The following CNBD1 variants were observed in gnomAD, a reference collection of about 807,000 sequenced individuals.
The protein encoded by CNBD1 is cyclic nucleotide-binding domain-containing protein 1.
In CNBD1, 71 loss-of-function variants were observed where a neutral mutation model predicts 54.4. The observed-to-expected ratio is 1.30, with a 90% CI of 1.08 to 1.59. The LOEUF is 1.59. Ranked by LOEUF, CNBD1 falls within the 40% of genes most tolerant of loss-of-function variation. The pLI is 0.00. For missense variants in CNBD1, 659 were observed against 518.0 expected (o/e 1.27, Z -2.64); for synonymous variants, 182 against 170.7 (o/e 1.07, Z -0.51).
intron 2 of CNBD1, among the ~76,000 whole-genome samples, chr8:86,899,115 A>AT (rs1808892842): frequency 7.8e-6 from 1 of 128,406 alleles, no homozygotes; most frequent in Admixed American, 7.8e-5. Context: ...TATATGTGAA[A>AT]TTTAAAAAAA....
At chr8:86,933,352 A>G (rs928672859) in intron 3 of CNBD1, among the ~76,000 whole-genome samples, 6 of 152,128 alleles carry the variant, frequency 3.9e-5, no homozygotes, top group African/African-American at 1.4e-4. Context: ...AAAACAAAAC[A>G]CACAAACTCC....
At chr8:87,316,974 G>A (rs906210387) in intron 8 of CNBD1, among the ~76,000 whole-genome samples, 40 of 151,782 alleles carry the variant, frequency 2.6e-4, no homozygotes, top group African/African-American at 9.4e-4. Context: ...GTTGTATTAT[G>A]TCCTATTTGT....
intron 6 of CNBD1, among the ~76,000 whole-genome samples, chr8:87,244,735 C>G (rs753008469): frequency 2.0e-5 from 3 of 151,864 alleles, no homozygotes; most frequent in African/African-American, 7.3e-5. Flanking sequence ...TTCTCTAATG[C>G]GTAGTATAAG....
intron 2 of CNBD1, among the ~76,000 whole-genome samples, chr8:87,400,166 A>G (rs758625346): frequency 6.6e-6 from 1 of 151,934 alleles, no homozygotes. Flanking sequence ...TGAACTACCA[A>G]TTATCCATCT....
At chr8:87,066,108 A>T (rs979754154) in intron 4 of CNBD1, among the ~76,000 whole-genome samples, 46 of 152,036 alleles carry the variant, frequency 3.0e-4, no homozygotes, top group Non-Finnish European at 2.8e-4. Context: ...ATTCTCAGAC[A>T]TAGTCACAAT....
At chr8:87,361,465 T>C (rs888669965) in intron 10 of CNBD1, among the ~76,000 whole-genome samples, 1 of 151,744 alleles carries the variant, frequency 6.6e-6, no homozygotes. Flanking sequence ...GAAGATGATA[T>C]AGCTTACCAT....
chr8:86,911,782 C>T (rs992739446), intron 3 of CNBD1, among the ~76,000 whole-genome samples: 5 of 151,890 alleles, frequency 3.3e-5, no homozygotes, highest in Admixed American at 6.6e-5. Flanking sequence ...GATACAAGAG[C>T]AACGTAAAAA....
intron 4 of CNBD1, among the ~76,000 whole-genome samples, chr8:87,065,648 A>T (rs1334967570): frequency 6.6e-6 from 1 of 152,108 alleles, no homozygotes; most frequent in East Asian, 1.9e-4. Context: ...AGAAACTGAC[A>T]GATTTATAAG....
At chr8:87,326,908 T>C (rs1388125355) in intron 8 of CNBD1, among the ~76,000 whole-genome samples, 7 of 81,830 alleles carry the variant, frequency 8.6e-5, no homozygotes, top group Admixed American at 1.4e-4. Flanking sequence ...AGTTTTTCTG[T>C]TCTGTTTTTT....
chr8:87,264,890 T>C (rs1273704454), intron 6 of CNBD1, among the ~76,000 whole-genome samples: 2 of 152,040 alleles, frequency 1.3e-5, no homozygotes, highest in Admixed American at 6.6e-5. Flanking sequence ...TTTGTAGATT[T>C]CGGATATTAG....
At chr8:87,256,011 ATATATTTTTTTT>A (rs1242042842) in intron 6 of CNBD1, among the ~76,000 whole-genome samples, 5 of 19,258 alleles carry the variant, frequency 2.6e-4, no homozygotes, top group Non-Finnish European at 2.4e-4. Context: ...ATATATATAT[ATATATTTTTTTT>A]TTTTTTTTTT....
intron 5 of CNBD1, among the ~76,000 whole-genome samples, chr8:87,225,353 C>G (rs1402582149): frequency 2.6e-5 from 4 of 151,544 alleles, no homozygotes; most frequent in Non-Finnish European, 5.9e-5. Context: ...CAGTTTTTGC[C>G]CATTCAGTAT....
rs551363724 is a variant in CNBD1, at chr8:87,241,403, T to C, written c.771+4291T>C. Among the ~76,000 whole-genome samples, 19 of 151,248 alleles carry C rather than the reference T, an allele frequency of 1.3e-4. No individual in the cohort carries two copies. The East Asian group carries it at 3.7e-3, about 30-fold the overall frequency. On this transcript the variant is annotated intron_variant, in intron 6 of 10. Coordinates refer to ENST00000518476, the MANE Select transcript of CNBD1 (RefSeq NM_173538.3). ...CTCCTGCTTCAGCCTCCCCAGTAGC[T>C]GGGACTACAGGGGCCTGCCACCACG...
intron 4 of CNBD1, among the ~76,000 whole-genome samples, chr8:87,108,736 A>C (rs1006716618): frequency 2.0e-5 from 3 of 152,130 alleles, no homozygotes; most frequent in Non-Finnish European, 2.9e-5. Flanking sequence ...CAGGTTACTT[A>C]CCTTTTCTTT....
At chr8:87,339,602 A>G (rs972765953) in intron 8 of CNBD1, among the ~76,000 whole-genome samples, 1 of 152,052 alleles carries the variant, frequency 6.6e-6, no homozygotes, top group Admixed American at 6.6e-5. Context: ...TGGATCAGGA[A>G]CCATAAATCT....
chr8:87,265,553 T>TA (rs1366149296), intron 6 of CNBD1, among the ~76,000 whole-genome samples: 2 of 152,232 alleles, frequency 1.3e-5, no homozygotes, highest in East Asian at 3.9e-4. Flanking sequence ...TTATAGTTTT[T>TA]AAAAAATTAA....
At chr8:87,427,273 A>T (rs1188878250) in intron 2 of CNBD1, among the ~76,000 whole-genome samples, 1 of 152,162 alleles carries the variant, frequency 6.6e-6, no homozygotes, top group Non-Finnish European at 1.5e-5. Context: ...ACTCATTACA[A>T]TCAAATGAGT....
chr8:87,254,309 T>G (rs968141507), intron 6 of CNBD1, among the ~76,000 whole-genome samples: 5 of 152,076 alleles, frequency 3.3e-5, no homozygotes, highest in Non-Finnish European at 5.9e-5. Flanking sequence ...GGAAAAGGAC[T>G]CATAGGGTAA....
chr8:87,346,463 A>G (rs1810178217), intron 8 of CNBD1, among the ~76,000 whole-genome samples: 1 of 151,808 alleles, frequency 6.6e-6, no homozygotes, highest in African/African-American at 2.4e-5. Flanking sequence ...ATTTTTTGTA[A>G]TCCAATTGGC....
Sources: allele counts gnomAD v4.1 joint callset (sites outside exome capture counted in the v4.1 genomes callset), GRCh38; gene constraint gnomAD v4.1.1; transcripts MANE v1.5; gene names NCBI Gene and HGNC (gene_info 2026-07-23, HGNC 2026-07-21).